Variants in CSMD1 observed in about 807,000 individuals in gnomAD.
CSMD1 encodes the protein CUB and sushi domain-containing protein 1.
Under a neutral mutation model 417.5 loss-of-function variants are expected in CSMD1, and 213 were observed. The observed-to-expected ratio is 0.51, with a 90% CI of 0.46 to 0.57. The LOEUF (loss-of-function observed/expected upper bound fraction) is 0.57. Among genes scored for constraint, CSMD1 ranks in the 20% least tolerant of loss-of-function variants. The pLI is 0.00. For synonymous variants in CSMD1, 2,862 were observed against 1,736.8 expected, an observed-to-expected ratio of 1.65 and a Z score of -16.11; for missense variants, 6,923 against 4,529.7, an observed-to-expected ratio of 1.53 and a Z score of -15.17.
intron 1 of CSMD1, among the ~76,000 whole-genome samples, chr8:4,967,966 C>T (rs191953465): frequency 1.3e-4 from 20 of 151,828 alleles, no homozygotes; most frequent in Middle Eastern, 3.4e-3. Context: ...TAAATAAAGA[C>T]GATAGGTAGA....
intron 3 of CSMD1, among the ~76,000 whole-genome samples, chr8:4,069,152 T>C (rs1365270): frequency 6.6e-6 from 1 of 152,006 alleles, no homozygotes; most frequent in African/African-American, 2.4e-5. Context: ...AGGAGACTGG[T>C]TGCAAATATA....
rs991599071 is a variant in CSMD1, at chr8:3,502,535, G to T, written c.1345-8809C>A. Reference sequence around the variant, plus strand: ...AGTGGAATATTATTCAGGGCTAAAAGGAAATGAGCTGTCAAGCCATGAGAA... The same window carrying T: ...AGTGGAATATTATTCAGGGCTAAAATGAAATGAGCTGTCAAGCCATGAGAA... On this transcript the variant is annotated intron_variant, in intron 10 of 69. Coordinates refer to ENST00000635120, the MANE Select transcript of CSMD1 (RefSeq NM_033225.6). Among the ~76,000 whole-genome samples, 4 of 152,204 alleles carry T rather than the reference G, an allele frequency of 2.6e-5. No homozygotes were observed. The South Asian group carries it at 6.2e-4, about 24-fold the overall frequency.
intron 10 of CSMD1, among the ~76,000 whole-genome samples, chr8:3,527,805 C>T (rs959691331): frequency 6.6e-6 from 1 of 152,160 alleles, no homozygotes; most frequent in Non-Finnish European, 1.5e-5. Flanking sequence ...AATAAAGTTA[C>T]AAAACATCCT....
rs142198093 is a variant in CSMD1 at position 3,731,580 on chromosome 8, T to G, written c.931+22350A>C. Among the ~76,000 whole-genome samples, 259 of 152,040 alleles carry G rather than the reference T, an allele frequency of 1.7e-3. 1 individual carries two copies. The highest frequency in any genetic ancestry group is 4.8e-3 in the Admixed American group (73 of 15,264). On this transcript the variant is annotated intron_variant, in intron 6 of 69. Coordinates refer to ENST00000635120, the MANE Select transcript of CSMD1 (RefSeq NM_033225.6). ...CCACCCGTGAAGAATCTAAAATAGG[T>G]TTTTGAAAGTGATATGAACTTTACC... is the stretch of plus-strand genomic sequence containing the variant.
rs944292418 is a variant in CSMD1, at chr8:4,511,968, C to T, written c.303-91903G>A. ...GGCCCACATTACCCTAACATCAACA[C>T]CAGACAGAGGCATTCCAAAAAAAGA... On this transcript the variant is annotated intron_variant, in intron 2 of 69. Coordinates refer to ENST00000635120, the MANE Select transcript of CSMD1 (RefSeq NM_033225.6). 2.6e-5 allele frequency among the ~76,000 whole-genome samples: 4 copies of T among 152,236 alleles called. No individual in the cohort carries two copies. In the East Asian group the frequency reaches 7.7e-4, roughly 29 times the overall value.
intron 1 of CSMD1, among the ~76,000 whole-genome samples, chr8:4,754,051 AG>A (rs1585046357): frequency 6.6e-6 from 1 of 152,326 alleles, no homozygotes; most frequent in East Asian, 1.9e-4. Flanking sequence ...ATAACATAAA[AG>A]GAAAAATGTA....
chr8:3,510,008 C>T (rs1457414169), intron 10 of CSMD1, among the ~76,000 whole-genome samples: 3 of 152,178 alleles, frequency 2.0e-5, no homozygotes, highest in Non-Finnish European at 4.4e-5. Flanking sequence ...CTCCAATTGA[C>T]GTATACAAGT....
intron 2 of CSMD1, among the ~76,000 whole-genome samples, chr8:4,555,692 T>C (rs534381490): frequency 6.6e-6 from 1 of 152,160 alleles, no homozygotes; most frequent in South Asian, 2.1e-4. Flanking sequence ...TAAGTCTCTT[T>C]AGGGGTGAGA....
intron 5 of CSMD1, among the ~76,000 whole-genome samples, chr8:3,954,443 T>C (rs189075605): frequency 1.3e-5 from 2 of 152,144 alleles, no homozygotes; most frequent in East Asian, 1.9e-4. Context: ...CTCAGCTCAC[T>C]GCAACCTCCT....
At chr8:3,535,357 G>C (rs959087566) in intron 10 of CSMD1, among the ~76,000 whole-genome samples, 9 of 152,152 alleles carry the variant, frequency 5.9e-5, no homozygotes, top group African/African-American at 1.9e-4. Flanking sequence ...GGAAGAACCT[G>C]AGTCCAGAGG....
chr8:4,443,567 A>G (rs553724327), intron 2 of CSMD1, among the ~76,000 whole-genome samples: 3 of 152,298 alleles, frequency 2.0e-5, no homozygotes, highest in Admixed American at 6.5e-5. Flanking sequence ...GTGGCTCAAG[A>G]CACATGAATA....
chr8:3,660,391 C>G (rs189045608), intron 7 of CSMD1, among the ~76,000 whole-genome samples: 1 of 151,500 alleles, frequency 6.6e-6, no homozygotes, highest in Admixed American at 6.6e-5. Context: ...AAGTAATCCA[C>G]GTATGTTGGC....
chr8:4,070,148 TA>T (rs1035596706), intron 3 of CSMD1, among the ~76,000 whole-genome samples: 40 of 152,254 alleles, frequency 2.6e-4, no homozygotes, highest in East Asian at 9.7e-4. Flanking sequence ...TTATTTTTTT[TA>T]AAATGTATAA....
At chr8:3,716,399 G>A (rs905883783) in intron 6 of CSMD1, among the ~76,000 whole-genome samples, 44 of 152,136 alleles carry the variant, frequency 2.9e-4, no homozygotes, top group Non-Finnish European at 5.9e-5. Context: ...CATTTTTATG[G>A]TTATTTCTTG....
chr8:3,616,781 A>T lies in CSMD1; in HGVS notation c.1026T>A (p.Val342=). Residue 342 remains valine, a synonymous_variant, in exon 8 of 70, where the codon GTT becomes GTA. Transcript: ENST00000635120. ...CTGGACACATGTCAGAGACCAATGC[A>T]ACACCTCCTTGGCTCACTGTAATAG... ...HKNSVLSQGG[V]ALVSDMCPDP... 6.2e-7 allele frequency: 1 copy of T among 1,611,496 alleles called. No individual in the cohort carries two copies. Among genetic ancestry groups the T allele is most frequent in the Non-Finnish European group, 8.5e-7 (1 of 1,178,474 alleles).
In CSMD1 at chr8:4,324,315, C is replaced by G. The variant is rs188523973; in HGVS notation, c.415+95638G>C. Among the ~76,000 whole-genome samples, 87 of 152,262 alleles carry G rather than the reference C, an allele frequency of 5.7e-4. No homozygotes were observed. The East Asian group carries it at 0.016, about 28-fold the overall frequency. Reference sequence around the variant, plus strand: ...CGTATTCCATTAACTAAACAGCAACCTCGAAAGAAATCAATACTCGGAAGG... The same window carrying G: ...CGTATTCCATTAACTAAACAGCAACGTCGAAAGAAATCAATACTCGGAAGG... On this transcript the variant is annotated intron_variant, in intron 3 of 69. Transcript: ENST00000635120.
intron 5 of CSMD1, among the ~76,000 whole-genome samples, chr8:3,970,454 CTT>C (rs1813003001): frequency 6.6e-6 from 1 of 152,138 alleles, no homozygotes; most frequent in African/African-American, 2.4e-5. Context: ...ATGAGAAACT[CTT>C]GTCTCTTCTG....
At chr8:3,377,935 C>A (rs1391526010) in intron 18 of CSMD1, among the ~76,000 whole-genome samples, 1 of 152,094 alleles carries the variant, frequency 6.6e-6, no homozygotes, top group Non-Finnish European at 1.5e-5. Flanking sequence ...CTTTATGGAG[C>A]TGAATATTAA....
chr8:3,185,532 A>G lies in CSMD1; in HGVS notation c.5620+2337T>C, dbSNP rs148180971. On this transcript the variant is annotated intron_variant, in intron 36 of 69. Coordinates refer to ENST00000635120, the MANE Select transcript of CSMD1 (RefSeq NM_033225.6). ...AGAACATTAGGTTAAAAACAATTCA[A>G]TATTTAATACTCTCTTTTGAAAAAT... 7.1e-4 allele frequency among the ~76,000 whole-genome samples: 108 copies of G among 152,320 alleles called. 1 individual carries two copies. Among genetic ancestry groups the G allele is most frequent in the African/African-American group, 2.5e-3 (104 of 41,572 alleles).
Sources: allele counts gnomAD v4.1 joint callset (sites outside exome capture counted in the v4.1 genomes callset), GRCh38; gene constraint gnomAD v4.1.1; transcripts MANE v1.5; gene names NCBI Gene and HGNC (gene_info 2026-07-23, HGNC 2026-07-21).